Variants in MECR observed in about 807,000 individuals in gnomAD.
MECR encodes enoyl-[acyl-carrier-protein] reductase, mitochondrial.
Under a neutral mutation model 49.1 loss-of-function variants are expected in MECR, and 37 were observed. That is an observed-to-expected ratio of 0.75 (90% CI 0.58 to 0.99). The LOEUF is 0.99. MECR is among the 50% of genes least tolerant of loss of function. The pLI is 0.00. For synonymous variants in MECR, 198 were observed against 191.1 expected, an observed-to-expected ratio of 1.04 and a Z score of -0.30; for missense variants, 470 against 479.6, an observed-to-expected ratio of 0.98 and a Z score of 0.19.
In MECR at chr1:29,222,344, G is replaced by A. The variant is rs901386851; in HGVS notation, c.177-5659C>T. 3.3e-5 allele frequency among the ~76,000 whole-genome samples: 5 copies of A among 151,982 alleles called. No individual in the cohort carries two copies. The East Asian group carries it at 5.8e-4, about 18-fold the overall frequency. Reference sequence around the variant, plus strand: ...AAACTCCTGACCTCATGATCCACCCGCCTGGGCCTCCCAAAATGCTGGGAT... The same window carrying A: ...AAACTCCTGACCTCATGATCCACCCACCTGGGCCTCCCAAAATGCTGGGAT... On this transcript the variant is annotated intron_variant, in intron 1 of 9. Coordinates refer to ENST00000263702, the MANE Select transcript of MECR (RefSeq NM_016011.5).
the MECR span, among the ~76,000 whole-genome samples, chr1:29,176,506 A>G: frequency 1.3e-5 from 2 of 150,048 alleles, no homozygotes; most frequent in Non-Finnish European, 3.0e-5. Flanking sequence ...AAAAAAAAGA[A>G]AAAAATACTG....
chr1:29,223,323 G>C (rs946882191), intron 1 of MECR: 13 of 983,248 alleles, frequency 1.3e-5, no homozygotes, highest in Middle Eastern at 5.2e-4. Context: ...CTTTTGAGAG[G>C]GGGGAAAAGA....
At chr1:29,199,608 G>A (rs1674842497) in intron 7 of MECR, among the ~76,000 whole-genome samples, 1 of 151,512 alleles carries the variant, frequency 6.6e-6, no homozygotes, top group Non-Finnish European at 1.5e-5. Flanking sequence ...TGGTAGTGGG[G>A]TGATAGGTAA....
At chr1:29,184,121 G>A in the MECR span, among the ~76,000 whole-genome samples, 1 of 148,812 alleles carries the variant, frequency 6.7e-6, no homozygotes, top group African/African-American at 2.5e-5. Context: ...CTCGTGATCT[G>A]CCTGCCTCGG....
chr1:29,208,944 C>T (rs1190138195), intron 3 of MECR, among the ~76,000 whole-genome samples: 5 of 152,194 alleles, frequency 3.3e-5, no homozygotes, highest in Non-Finnish European at 7.3e-5. Context: ...TCTCAGAGCA[C>T]ACAAAGAACA....
chr1:29,192,433 CCT>C (rs1673176568), downstream of MECR, among the ~76,000 whole-genome samples: 1 of 152,140 alleles, frequency 6.6e-6, no homozygotes, highest in South Asian at 2.1e-4. Context: ...AACTGGGGCC[CCT>C]GTGTGTCCTC....
Position 29,193,803 on chromosome 1 carries a change from G to T in MECR, c.*219C>A, listed in dbSNP as rs932962022. On this transcript the variant is annotated 3_prime_UTR_variant, in exon 10 of 10. Transcript: ENST00000263702. The stretch of plus-strand genomic sequence containing the variant: ...TGCACAGTGTTGGTCCTTCTCGACA[G>T]GGATGACTTCTACTTTTTGGAAGGG... 50 of 571,248 alleles carry T rather than the reference G, an allele frequency of 8.8e-5. No homozygotes were observed. The highest frequency in any genetic ancestry group is 1.5e-4 in the Non-Finnish European group (48 of 322,542). The allele number at this position is 571,248 out of a possible 1,614,324, so 35.4% of individuals were successfully genotyped here. A position where few individuals can be genotyped will look rare whatever the true frequency, so the allele number is the denominator to read the frequency against.
chr1:29,175,900 T>C, the MECR span, among the ~76,000 whole-genome samples: 1 of 152,062 alleles, frequency 6.6e-6, no homozygotes, highest in Non-Finnish European at 1.5e-5. Flanking sequence ...TAGACTCTAA[T>C]GCTTTGTACA....
chr1:29,198,380 T>C (rs2151850258), intron 7 of MECR, among the ~76,000 whole-genome samples: 1 of 152,294 alleles, frequency 6.6e-6, no homozygotes, highest in East Asian at 1.9e-4. Flanking sequence ...TGCCTAACTT[T>C]CCACAGGCCC....
intron 4 of MECR, among the ~76,000 whole-genome samples, chr1:29,205,428 C>A (rs1676337309): frequency 6.6e-6 from 1 of 151,486 alleles, no homozygotes; most frequent in Non-Finnish European, 1.5e-5. Flanking sequence ...AAGTGATCTG[C>A]CAGCTTCAGC....
chr1:29,208,404 G>A (rs1393382633), intron 3 of MECR, among the ~76,000 whole-genome samples: 1 of 152,242 alleles, frequency 6.6e-6, no homozygotes, highest in African/African-American at 2.4e-5. Context: ...CTGAGTTTTA[G>A]TTACTCTAAT....
At chr1:29,172,898 G>T in the MECR span, 1 of 151,860 alleles carries the variant, frequency 6.6e-6, no homozygotes, top group Non-Finnish European at 1.5e-5. Context: ...GGAATGGTTG[G>T]GTAAGTCATA....
chr1:29,194,946 T>C (rs1000516549), intron 9 of MECR, among the ~76,000 whole-genome samples: 1 of 151,822 alleles, frequency 6.6e-6, no homozygotes, highest in African/African-American at 2.4e-5. Flanking sequence ...TGAAACCCCA[T>C]TTCTACTAAA....
Position 29,201,813 on chromosome 1 carries a change from C to T in MECR, c.756+130G>A, listed in dbSNP as rs1675381382. The T allele has an allele frequency of 1.2e-6, 1 of 831,732 alleles. No individual in the cohort carries two copies. Among genetic ancestry groups the T allele is most frequent in the Admixed American group, 2.1e-5 (1 of 48,464 alleles). The allele number at this position is 831,732 out of a possible 1,614,324, so 51.5% of individuals were successfully genotyped here. A position where few individuals can be genotyped will look rare whatever the true frequency, so the allele number is the denominator to read the frequency against. ...CCTGGCTAGGGGGAATGGGCTTTAA[C>T]CAACCAAGAGGCAAAGGGAGGTTTC... On this transcript the variant is annotated intron_variant, in intron 6 of 9. Coordinates refer to ENST00000263702, the MANE Select transcript of MECR (RefSeq NM_016011.5). The surrounding 1 kb of genome is among the most constrained non-coding windows in gnomAD (Gnocchi z 4.3).
chr1:29,215,506 A>G (rs1292089703), intron 3 of MECR, among the ~76,000 whole-genome samples: 2 of 151,738 alleles, frequency 1.3e-5, no homozygotes, highest in African/African-American at 4.8e-5. Context: ...TGAACCTGGG[A>G]GGCTGCAGTA....
the MECR span, among the ~76,000 whole-genome samples, chr1:29,176,392 G>A: frequency 7.0e-4 from 107 of 152,034 alleles, no homozygotes; most frequent in Non-Finnish European, 1.1e-3. Context: ...GCCACTTGGT[G>A]GTGGGTGAAG....
intron 1 of MECR, chr1:29,221,078 T>TA (rs1223321124): frequency 5.7e-6 from 1 of 176,276 alleles, no homozygotes; most frequent in African/African-American, 2.4e-5. Context: ...CACGCACCTG[T>TA]AGTCCCAGCT....
At chr1:29,220,554 A>G (rs1163238530) in intron 1 of MECR, among the ~76,000 whole-genome samples, 3 of 152,236 alleles carry the variant, frequency 2.0e-5, no homozygotes, top group Non-Finnish European at 2.9e-5. Context: ...TATCCTTAAG[A>G]GCATTCAGTC....
At chr1:29,221,597 T>G (rs1680781323) in intron 1 of MECR, among the ~76,000 whole-genome samples, 2 of 152,144 alleles carry the variant, frequency 1.3e-5, no homozygotes, top group South Asian at 4.1e-4. Context: ...CAGTTCCATG[T>G]GGCGGGAGGG....
Sources: allele counts gnomAD v4.1 joint callset (sites outside exome capture counted in the v4.1 genomes callset), GRCh38; gene constraint gnomAD v4.1.1; non-coding constraint Gnocchi (gnomAD v3.1); transcripts MANE v1.5; gene names NCBI Gene and HGNC (gene_info 2026-07-23, HGNC 2026-07-21).